CTNNA3: variants seen among roughly 807,000 people sequenced by gnomAD.
CTNNA3 encodes catenin alpha-3.
Under a neutral mutation model 95.7 loss-of-function variants are expected in CTNNA3, and 76 were observed. The ratio of observed to expected loss-of-function variants is 0.79; its 90% CI spans 0.66 to 0.96. The LOEUF is 0.96. Ranked by LOEUF, CTNNA3 falls within the 40% of genes least tolerant of loss-of-function variation. The pLI is 0.00. For synonymous variants in CTNNA3, 431 were observed against 374.4 expected (o/e 1.15, Z -1.74); for missense variants, 1,191 against 1,089.8 (o/e 1.09, Z -1.31).
At chr10:66,712,520 GA>G (rs1277552713) in intron 9 of CTNNA3, among the ~76,000 whole-genome samples, 10 of 151,978 alleles carry the variant, frequency 6.6e-5, no homozygotes, top group Admixed American at 6.6e-4. Context: ...AGTTTTTTCT[GA>G]ATATAAAATA....
At chr10:65,990,673 AT>A (rs1722048842) in intron 15 of CTNNA3, among the ~76,000 whole-genome samples, 1 of 151,220 alleles carries the variant, frequency 6.6e-6, no homozygotes, top group Admixed American at 6.6e-5. Flanking sequence ...TAAATATTAA[AT>A]ATTTAAATAA....
chr10:66,230,365 A>G (rs2089525921), intron 13 of CTNNA3, among the ~76,000 whole-genome samples: 1 of 151,922 alleles, frequency 6.6e-6, no homozygotes, highest in South Asian at 2.1e-4. Context: ...TTTTTCCTGT[A>G]GATATTTTCA....
rs963647216 is a variant in CTNNA3 at position 66,710,647 on chromosome 10, A to C, written c.1281+55617T>G. ...TAGAAAAATTAATATGTGGCTCCTA[A>C]AGCATTCATAATTATATATAAATCT... is the stretch of plus-strand genomic sequence containing the variant. On this transcript the variant is annotated intron_variant, in intron 9 of 17. Coordinates refer to ENST00000433211, the MANE Select transcript of CTNNA3 (RefSeq NM_013266.4). 3.9e-5 allele frequency among the ~76,000 whole-genome samples: 6 copies of C among 152,068 alleles called. No individual in the cohort carries two copies. The East Asian group carries it at 9.7e-4, about 24-fold the overall frequency.
intron 7 of CTNNA3, among the ~76,000 whole-genome samples, chr10:67,047,400 G>A (rs1854820600): frequency 1.3e-5 from 2 of 152,102 alleles, no homozygotes; most frequent in South Asian, 2.1e-4. Context: ...AAAAACAAGA[G>A]AGAACAATGA....
chr10:67,008,546 G>A (rs747664458), intron 7 of CTNNA3, among the ~76,000 whole-genome samples: 2 of 152,080 alleles, frequency 1.3e-5, no homozygotes, highest in Non-Finnish European at 2.9e-5. Flanking sequence ...ATAATTGTGT[G>A]AGTTAGCAAG....
intron 5 of CTNNA3, among the ~76,000 whole-genome samples, chr10:67,517,222 C>T (rs1319524368): frequency 6.6e-6 from 1 of 152,072 alleles, no homozygotes; most frequent in Admixed American, 6.6e-5. Flanking sequence ...CAACAATGTG[C>T]AAAGGTTTCC....
intron 5 of CTNNA3, among the ~76,000 whole-genome samples, chr10:67,314,532 G>A (rs1840959489): frequency 6.6e-6 from 1 of 152,060 alleles, no homozygotes; most frequent in African/African-American, 2.4e-5. Context: ...ACAATACAGA[G>A]ATAAATGCAG....
intron 17 of CTNNA3, among the ~76,000 whole-genome samples, chr10:65,950,554 A>T (rs1169487504): frequency 6.6e-6 from 1 of 152,212 alleles, no homozygotes; most frequent in African/African-American, 2.4e-5. Context: ...GTTGTCAAAT[A>T]CATCTTGTTC....
intron 12 of CTNNA3, among the ~76,000 whole-genome samples, chr10:66,281,700 T>C (rs1414922934): frequency 5.3e-5 from 8 of 151,936 alleles, no homozygotes; most frequent in Admixed American, 2.0e-4. Context: ...CAATAAATGT[T>C]ATTTTTCTAC....
intron 14 of CTNNA3, among the ~76,000 whole-genome samples, chr10:66,100,946 T>C (rs1449658424): frequency 1.3e-5 from 2 of 152,156 alleles, no homozygotes; most frequent in Non-Finnish European, 2.9e-5. Flanking sequence ...CTACAAGTGC[T>C]AAGCCAGAAT....
intron 7 of CTNNA3, among the ~76,000 whole-genome samples, chr10:67,166,824 T>C (rs1162836217): frequency 2.6e-5 from 4 of 152,202 alleles, no homozygotes. Context: ...CAACAACTTC[T>C]GGCCGGGCGC....
chr10:66,648,168 C>T (rs1410068036), intron 9 of CTNNA3, among the ~76,000 whole-genome samples: 1 of 152,110 alleles, frequency 6.6e-6, no homozygotes, highest in African/African-American at 2.4e-5. Context: ...ACCCTGACAG[C>T]TCATTAGCAT....
intron 11 of CTNNA3, among the ~76,000 whole-genome samples, chr10:66,397,524 A>G (rs941757481): frequency 6.6e-6 from 1 of 151,804 alleles, no homozygotes; most frequent in Non-Finnish European, 1.5e-5. Flanking sequence ...CATTCATTCA[A>G]TATCTCTTTC....
chr10:67,180,295 G>C (rs1422870128), intron 7 of CTNNA3, 22 bp downstream of exon 7: 1 of 1,605,486 alleles, frequency 6.2e-7, no homozygotes, highest in Non-Finnish European at 8.5e-7. Context: ...GCTAGGGATG[G>C]GAAGGCAAAC....
chr10:67,501,574 A>G (rs1839234133), intron 5 of CTNNA3, among the ~76,000 whole-genome samples: 1 of 152,014 alleles, frequency 6.6e-6, no homozygotes, highest in Non-Finnish European at 1.5e-5. Flanking sequence ...ACTTGGTTTC[A>G]TTCTCCCCAT....
At chr10:67,436,051 T>A (rs1489785641) in intron 5 of CTNNA3, among the ~76,000 whole-genome samples, 1 of 152,056 alleles carries the variant, frequency 6.6e-6, no homozygotes, top group East Asian at 1.9e-4. Context: ...TCTGGACACA[T>A]CACACTACCT....
chr10:66,614,391 T>C (rs1844436767), intron 10 of CTNNA3, among the ~76,000 whole-genome samples: 1 of 152,100 alleles, frequency 6.6e-6, no homozygotes, highest in South Asian at 2.1e-4. Flanking sequence ...TCAAGCATTA[T>C]TCTTAGGATA....
chr10:66,330,254 G>A (rs986178465), intron 12 of CTNNA3, among the ~76,000 whole-genome samples: 4 of 147,528 alleles, frequency 2.7e-5, no homozygotes, highest in African/African-American at 1.0e-4. Flanking sequence ...GGTGTGTGAT[G>A]TTCCCCTTCC....
rs1415475932 is a variant in CTNNA3, at chr10:65,920,538, A to G, written c.2480T>C (p.Ile827Thr). The G allele has an allele frequency of 1.2e-6, 2 of 1,614,174 alleles. No individual in the cohort carries two copies. Among genetic ancestry groups the G allele is most frequent in the South Asian group, 2.2e-5 (2 of 91,088 alleles). The change falls in exon 18 of 18, where the codon ATT becomes ACT. Residue 827 changes from isoleucine to threonine, a missense_variant. Physicochemically the swap from Ile to Thr is moderately conservative, Grantham distance 89. Coordinates refer to ENST00000433211, the MANE Select transcript of CTNNA3 (RefSeq NM_013266.4). ...AVVQTVKMSY[I>T]ASTKIIRIQS... ...GATTCGGATGATCTTGGTTGAGGCA[A>G]TGTAAGACATTTTCACTGTTTGCAC...
Sources: allele counts gnomAD v4.1 joint callset (sites outside exome capture counted in the v4.1 genomes callset), GRCh38; gene constraint gnomAD v4.1.1; transcripts MANE v1.5; gene names NCBI Gene and HGNC (gene_info 2026-07-23, HGNC 2026-07-21).